The following TSPAN9 variants were observed in gnomAD, a reference collection of about 807,000 sequenced individuals.
TSPAN9 encodes the protein tetraspanin-9.
Under a neutral mutation model 31.0 loss-of-function variants are expected in TSPAN9, and 16 were observed. The ratio of observed to expected loss-of-function variants is 0.52; its 90% CI spans 0.35 to 0.78. The LOEUF is 0.78. Among genes scored for constraint, TSPAN9 ranks in the 30% least tolerant of loss-of-function variants. The pLI is 0.01. For synonymous variants in TSPAN9, 145 were observed against 121.6 expected (o/e 1.19, Z -1.27); for missense variants, 272 against 312.5 (o/e 0.87, Z 0.98).
intron 2 of TSPAN9, among the ~76,000 whole-genome samples, chr12:3,101,738 C>T (rs559726464): frequency 2.0e-5 from 3 of 152,192 alleles, no homozygotes; most frequent in Non-Finnish European, 4.4e-5. Flanking sequence ...CTTCTGTCAG[C>T]ACCTTGTCCC....
intron 2 of TSPAN9, among the ~76,000 whole-genome samples, chr12:3,116,537 G>A (rs1196311318): frequency 6.6e-6 from 1 of 152,180 alleles, no homozygotes; most frequent in East Asian, 1.9e-4. Flanking sequence ...ACGCAGCTCG[G>A]CAGGGCTTGT....
intron 2 of TSPAN9, among the ~76,000 whole-genome samples, chr12:3,115,675 A>C (rs1158237527): frequency 6.6e-6 from 1 of 152,126 alleles, no homozygotes; most frequent in Non-Finnish European, 1.5e-5. Context: ...GGTCCCTTTT[A>C]ATTAGGGCAC....
chr12:3,088,799 G>C (rs992549652), intron 2 of TSPAN9, among the ~76,000 whole-genome samples: 18 of 152,132 alleles, frequency 1.2e-4, no homozygotes, highest in Non-Finnish European at 1.0e-4. Flanking sequence ...CTTGGTTGGG[G>C]TGGGGACAGG....
chr12:3,241,513 A>G (rs7296615), intron 3 of TSPAN9, among the ~76,000 whole-genome samples: 16,676 of 152,312 alleles, frequency 0.11, 1,021 homozygotes, highest in African/African-American at 0.16. Flanking sequence ...AAAAACATAT[A>G]TGTCTACAAA....
chr12:3,118,260 T>TTTTTTTTTTTTTG (rs2098323433), intron 2 of TSPAN9, among the ~76,000 whole-genome samples: 1 of 71,262 alleles, frequency 1.4e-5, no homozygotes, highest in Non-Finnish European at 2.5e-5. Flanking sequence ...CCCGCCGTTT[T>TTTTTTTTTTTTTG]TTTTTTTTTT....
chr12:3,279,259 T>C (rs541015), intron 5 of TSPAN9, among the ~76,000 whole-genome samples, 193 bp downstream of exon 5: 32,029 of 152,112 alleles, frequency 0.21, 3,527 homozygotes, highest in Middle Eastern at 0.36. Flanking sequence ...GGGGGCAGCA[T>C]GGGGCAGGCA....
chr12:3,249,541 G>A (rs969861455), intron 3 of TSPAN9, among the ~76,000 whole-genome samples: 5 of 152,006 alleles, frequency 3.3e-5, no homozygotes, highest in African/African-American at 4.8e-5. Flanking sequence ...CTTTTCACTC[G>A]TACCTTGGTC....
chr12:3,191,053 A>G (rs1259789734), intron 2 of TSPAN9, among the ~76,000 whole-genome samples: 1 of 152,130 alleles, frequency 6.6e-6, no homozygotes, highest in Non-Finnish European at 1.5e-5. Flanking sequence ...CCCTGATGCC[A>G]ACTGGATTGT....
chr12:3,190,038 G>A (rs956264845), intron 2 of TSPAN9, among the ~76,000 whole-genome samples: 5 of 152,210 alleles, frequency 3.3e-5, no homozygotes, highest in African/African-American at 7.2e-5. Flanking sequence ...AATCTGGGGC[G>A]CTGGTTCTTC....
intron 2 of TSPAN9, among the ~76,000 whole-genome samples, chr12:3,175,225 C>A (rs1446108454): frequency 6.6e-6 from 1 of 152,176 alleles, no homozygotes; most frequent in Admixed American, 6.5e-5. Flanking sequence ...AAGCCTGCAA[C>A]CAGAACTGGG....
chr12:3,225,593 G>A (rs910080180), intron 3 of TSPAN9, among the ~76,000 whole-genome samples: 2 of 152,104 alleles, frequency 1.3e-5, no homozygotes, highest in Non-Finnish European at 1.5e-5. Flanking sequence ...TTGCATCCTC[G>A]TGGGAAGATG....
At chr12:3,239,890 C>A (rs759835576) in intron 3 of TSPAN9, among the ~76,000 whole-genome samples, 38 of 150,922 alleles carry the variant, frequency 2.5e-4, no homozygotes, top group Non-Finnish European at 5.0e-4. Context: ...GGAATAAAGC[C>A]AAAAAAACAC....
chr12:3,144,646 C>T (rs1351054675), intron 2 of TSPAN9, among the ~76,000 whole-genome samples: 1 of 152,218 alleles, frequency 6.6e-6, no homozygotes, highest in South Asian at 2.1e-4. Flanking sequence ...GCTCGGGGTA[C>T]TTTGCTGCAG....
intron 1 of TSPAN9, among the ~76,000 whole-genome samples, chr12:3,082,223 A>T (rs1452233314): frequency 6.6e-6 from 1 of 152,198 alleles, no homozygotes; most frequent in African/African-American, 2.4e-5. Flanking sequence ...GTGGTGGTGG[A>T]CATGAACCCC....
At chr12:3,090,582 C>T (rs546437770) in intron 2 of TSPAN9, among the ~76,000 whole-genome samples, 3 of 152,236 alleles carry the variant, frequency 2.0e-5, no homozygotes, top group African/African-American at 2.4e-5. Context: ...GCCTCACACA[C>T]GCATTGTCTG....
At chr12:3,198,378 G>C (rs1427023705) in intron 2 of TSPAN9, among the ~76,000 whole-genome samples, 3 of 81,468 alleles carry the variant, frequency 3.7e-5, no homozygotes, top group Non-Finnish European at 2.5e-5. Flanking sequence ...ACCAGCACAG[G>C]CCACCACCAG....
At chr12:3,178,825 G>A (rs1478398405) in intron 2 of TSPAN9, among the ~76,000 whole-genome samples, 2 of 152,186 alleles carry the variant, frequency 1.3e-5, no homozygotes, top group East Asian at 3.9e-4. Flanking sequence ...GGTGGGCTTA[G>A]CTGTGGGTCA....
intron 4 of TSPAN9, 151 bp downstream of exon 4, chr12:3,278,763 C>T (rs1862842755): frequency 2.6e-6 from 3 of 1,143,484 alleles, no homozygotes; most frequent in African/African-American, 1.6e-5. Flanking sequence ...TTGACCACAC[C>T]CCTCCTCCTC....
chr12:3,272,122 CAG>C (rs1862690040), intron 3 of TSPAN9, among the ~76,000 whole-genome samples: 1 of 152,128 alleles, frequency 6.6e-6, no homozygotes, highest in Non-Finnish European at 1.5e-5. Flanking sequence ...ATGAGGGTGT[CAG>C]GGGGGCCAGG....
Sources: gnomAD v4.1 joint callset for allele counts (sites outside exome capture counted in the v4.1 genomes callset) on GRCh38, gnomAD v4.1.1 for gene constraint, MANE v1.5 for transcripts, NCBI Gene and HGNC (gene_info 2026-07-23, HGNC 2026-07-21) for gene names.